Variants in CRAMP1 observed in about 807,000 individuals in gnomAD.
CRAMP1 encodes protein cramped-like.
CRAMP1 carries 50 observed loss-of-function variants against 115.4 expected under a neutral mutation model. That is an observed-to-expected ratio of 0.43 (90% confidence interval 0.35 to 0.55). The LOEUF (loss-of-function observed/expected upper bound fraction) is 0.55, where lower values mean the gene tolerates loss of function less well. Ranked by LOEUF, CRAMP1 falls within the 20% of genes least tolerant of loss-of-function variation. The pLI, the probability that CRAMP1 is intolerant of heterozygous loss-of-function variation, is 0.01. For synonymous variants in CRAMP1, 866 were observed against 745.4 expected, an observed-to-expected ratio of 1.16 and a Z score of -2.64; for missense variants, 1,679 against 1,721.7, an observed-to-expected ratio of 0.98 and a Z score of 0.44.
At chr16:1,654,208 T>C (rs562573330) in intron 8 of CRAMP1, among the ~76,000 whole-genome samples, 2 of 151,770 alleles carry the variant, frequency 1.3e-5, no homozygotes, top group African/African-American at 4.8e-5. Context: ...AGCCTTTTTT[T>C]ATTTTTTCTT....
chr16:1,651,596 C>T (rs2036723670), intron 6 of CRAMP1, among the ~76,000 whole-genome samples: 2 of 146,206 alleles, frequency 1.4e-5, no homozygotes, highest in Admixed American at 1.4e-4. Context: ...GGGCTGAGGT[C>T]ACACAGAGGT....
Position 1,671,237 on chromosome 16 carries a change from G to C in CRAMP1, c.3645+428G>C, listed in dbSNP as rs748991978. Among the ~76,000 whole-genome samples the C allele has an allele frequency of 2.0e-5, 3 of 152,166 alleles. No homozygotes were observed. Among genetic ancestry groups the C allele is most frequent in the Admixed American group, 1.3e-4 (2 of 15,280 alleles). On this transcript the variant is annotated intron_variant, in intron 20 of 20. Transcript: ENST00000397412. The surrounding 1 kb of genome is among the most constrained non-coding windows in gnomAD (Gnocchi z 5.0). Reference sequence around the variant, plus strand: ...CTCCCATCCTAACAGCAGGACCTTTGAGTGGCATCTCCCTGTCATGTTGAG... The same window carrying C: ...CTCCCATCCTAACAGCAGGACCTTTCAGTGGCATCTCCCTGTCATGTTGAG...
At chr16:1,636,987 C>T (rs2036593058) in intron 4 of CRAMP1, among the ~76,000 whole-genome samples, 2 of 152,142 alleles carry the variant, frequency 1.3e-5, no homozygotes, top group South Asian at 4.1e-4. Flanking sequence ...AGCCTGTTTG[C>T]CTCCCAAATA....
intron 3 of CRAMP1, among the ~76,000 whole-genome samples, chr16:1,631,501 AC>A (rs2036548084): frequency 6.6e-6 from 1 of 152,182 alleles, no homozygotes; most frequent in Non-Finnish European, 1.5e-5. Flanking sequence ...AGAAACCAAG[AC>A]CTGGGCGCTA....
chr16:1,638,120 T>A lies in CRAMP1; in HGVS notation c.778+213T>A, dbSNP rs145348869. ...CATTTGCTCTCTTTCTCCATGCACATGCACACATGCTCGCGTGCACACATG... is the reference window on the plus strand; with the variant it reads ...CATTTGCTCTCTTTCTCCATGCACAAGCACACATGCTCGCGTGCACACATG... On this transcript the variant is annotated intron_variant, in intron 5 of 20. Transcript: ENST00000397412. Among the ~76,000 whole-genome samples the A allele has an allele frequency of 1.8e-4, 28 of 152,322 alleles. No homozygotes were observed. The Middle Eastern group carries it at 0.01, about 56-fold the overall frequency.
In CRAMP1 at chr16:1,614,799, G is replaced by T. The variant is rs1244264287; in HGVS notation, c.160G>T (p.Ala54Ser). The change falls in exon 2 of 21, where the codon GCC (alanine) becomes TCC (serine). Residue 54 changes from alanine (A) to serine (S), a missense_variant. Transcript: ENST00000397412. This position sits in a 1 kb window ranked among gnomAD's most constrained non-coding sequence, Gnocchi z 4.4. ...GTKRDEKTPR[A>S]GADGPPAPPG... is the part of the protein sequence containing the mutation. Reference sequence around the variant, plus strand: ...AAAGAGGGACGAGAAGACCCCCCGGGCCGGCGCCGACGGCCCCCCCGCGCC... The same window carrying T: ...AAAGAGGGACGAGAAGACCCCCCGGTCCGGCGCCGACGGCCCCCCCGCGCC... The T allele has an allele frequency of 1.5e-6, 2 of 1,294,062 alleles. No homozygotes were observed. Among genetic ancestry groups the T allele is most frequent in the Non-Finnish European group, 9.8e-7 (1 of 1,022,520 alleles). The allele number at this position is 1,294,062 out of a possible 1,614,324, so 80.2% of individuals were successfully genotyped here.
chr16:1,650,843 C>T (rs2036716418), intron 6 of CRAMP1, among the ~76,000 whole-genome samples: 2 of 152,256 alleles, frequency 1.3e-5, no homozygotes, highest in Non-Finnish European at 1.5e-5. Context: ...ATACACATGC[C>T]CTGAGCATTT....
intron 4 of CRAMP1, among the ~76,000 whole-genome samples, chr16:1,635,815 G>A (rs997781559): frequency 2.6e-5 from 4 of 152,166 alleles, no homozygotes; most frequent in African/African-American, 4.8e-5. Context: ...CCTGTGCCCC[G>A]GTGCTGGGAG....
chr16:1,620,837 G>A, intron 2 of CRAMP1: 1 of 371,078 alleles, frequency 2.7e-6, no homozygotes, highest in South Asian at 1.9e-5. Context: ...CACGGCATGG[G>A]AAACGCCTGG....
Position 1,655,888 on chromosome 16 carries a change from C to T in CRAMP1, c.1131C>T (p.Leu377=), listed in dbSNP as rs370361145. ...TGACGGGCACTCAGCGGAAGACACT[C>T]GAGGAGCGGCAGCTGCAGGACTCAT... is the stretch of plus-strand genomic sequence containing the variant. ...ALHEVRVRKT[L]EERQLQDSCS... Residue 377 remains leucine (L), a synonymous_variant, in exon 10 of 21, where the codon CTC becomes CTT. Coordinates refer to ENST00000397412, the MANE Select transcript of CRAMP1 (RefSeq NM_020825.4). The T allele has an allele frequency of 3.3e-5, 53 of 1,608,354 alleles. No homozygotes were observed. Among genetic ancestry groups the T allele is most frequent in the African/African-American group, 1.7e-4 (13 of 74,978 alleles).
At chr16:1,639,886 T>C (rs1555499561) in intron 5 of CRAMP1, among the ~76,000 whole-genome samples, 1 of 152,256 alleles carries the variant, frequency 6.6e-6, no homozygotes, top group Non-Finnish European at 1.5e-5. Flanking sequence ...TCCCTACCTC[T>C]AGACCCTATT....
At chr16:1,667,426 G>T (rs1316567718) in intron 17 of CRAMP1, 26 bp downstream of exon 17, 6 of 1,593,678 alleles carry the variant, frequency 3.8e-6, no homozygotes, top group Non-Finnish European at 5.2e-6. Context: ...GGGCTGCTGA[G>T]CAAAGCAGCT....
At chr16:1,626,448 T>C (rs1188132268) in intron 3 of CRAMP1, among the ~76,000 whole-genome samples, 1 of 152,224 alleles carries the variant, frequency 6.6e-6, no homozygotes, top group East Asian at 1.9e-4. Flanking sequence ...CCCTTGTCTC[T>C]CAAAGATGTT....
chr16:1,615,027 G>C (rs2036405935), intron 2 of CRAMP1, 42 bp downstream of exon 2: 2 of 1,152,890 alleles, frequency 1.7e-6, no homozygotes, highest in East Asian at 6.4e-5. Flanking sequence ...GCCCCTCTCC[G>C]GGGTGTGCCG....
intron 3 of CRAMP1, 48 bp downstream of exon 3, chr16:1,626,214 G>C: frequency 7.1e-7 from 1 of 1,416,948 alleles, no homozygotes; most frequent in African/African-American, 1.5e-5. Flanking sequence ...CGTCCCTCTC[G>C]GATCCCTGCC....
chr16:1,667,646 TAGCGCTCTGGAAGAACTC>T (rs994891296), intron 17 of CRAMP1, among the ~76,000 whole-genome samples: 6 of 145,862 alleles, frequency 4.1e-5, no homozygotes, highest in African/African-American at 1.5e-4. Context: ...TGGAAGAACT[TAGCGCTCTGGAAGAACTC>T]AGCTTTCTGG....
intron 2 of CRAMP1, among the ~76,000 whole-genome samples, chr16:1,615,830 A>C (rs2036414194): frequency 6.6e-6 from 1 of 152,224 alleles, no homozygotes; most frequent in Non-Finnish European, 1.5e-5. Context: ...TAAATAGCAA[A>C]TATAACATCA....
At chr16:1,651,093 CAGAG>C (rs1443070269) in intron 6 of CRAMP1, among the ~76,000 whole-genome samples, 1 of 151,170 alleles carries the variant, frequency 6.6e-6, no homozygotes, top group East Asian at 2.0e-4. Context: ...TGAGAGGTCA[CAGAG>C]AGGAGGACTC....
intron 2 of CRAMP1, among the ~76,000 whole-genome samples, chr16:1,625,188 T>A (rs2036498679): frequency 6.6e-6 from 1 of 152,102 alleles, no homozygotes; most frequent in Non-Finnish European, 1.5e-5. Context: ...GAGGAATGTG[T>A]TAGGCCATGA....
Sources: allele counts gnomAD v4.1 joint callset (sites outside exome capture counted in the v4.1 genomes callset), GRCh38; gene constraint gnomAD v4.1.1; non-coding constraint Gnocchi (gnomAD v3.1); transcripts MANE v1.5; gene names NCBI Gene and HGNC (gene_info 2026-07-23, HGNC 2026-07-21).